CARD6: variants seen among roughly 807,000 people sequenced by gnomAD.
CARD6 encodes the protein caspase recruitment domain family member 6.
CARD6 carries 27 observed loss-of-function variants against 23.6 expected under a neutral mutation model. The observed-to-expected ratio is 1.14, with a 90% confidence interval of 0.84 to 1.58. The LOEUF (loss-of-function observed/expected upper bound fraction) is 1.58. Ranked by LOEUF, CARD6 falls within the 40% of genes most tolerant of loss-of-function variation. The pLI, the probability that CARD6 is intolerant of heterozygous loss-of-function variation, is 0.00. For missense variants in CARD6, 1,214 were observed against 1,209.9 expected (o/e 1.00, Z -0.05); for synonymous variants, 397 against 431.8 (o/e 0.92, Z 1.00).
Position 40,843,173 on chromosome 5 carries a change from C to G in CARD6, c.305C>G (p.Thr102Arg). The G allele has an allele frequency of 6.3e-7, 1 of 1,595,720 alleles. No homozygotes were observed. The highest frequency in any genetic ancestry group is 8.5e-7 in the Non-Finnish European group (1 of 1,174,986). The change falls in exon 2 of 3, where the codon ACA becomes AGA. Residue 102 changes from threonine (T) to arginine (R), a missense_variant. Thr to Arg is a moderately conservative substitution (Grantham distance 71, BLOSUM62 -1). Coordinates refer to ENST00000254691, the MANE Select transcript of CARD6 (RefSeq NM_032587.4). The part of the protein sequence containing the change: ...LRHEVLKHEN[T>R]VPPQSMGASS... The stretch of plus-strand genomic sequence containing the variant: ...GCAGAAGTTTTAAAACATGAGAATA[C>G]AGTACCTCCTCAATCTATGGGGGCA...
intron 2 of CARD6, among the ~76,000 whole-genome samples, chr5:40,845,716 A>G (rs1579801623): frequency 6.6e-6 from 1 of 151,978 alleles, no homozygotes; most frequent in African/African-American, 2.4e-5. Flanking sequence ...TGCATCTCTT[A>G]CATATTGTTT....
rs184622131 is a variant in CARD6, at chr5:40,850,842, T to A, written c.842-1332T>A. ...GCATGTAAATGTTAGCACATTTTTT[T>A]AAATAAAAAACCTAAATGATCATCC... On this transcript the variant is annotated intron_variant, in intron 2 of 2. Coordinates refer to ENST00000254691, the MANE Select transcript of CARD6 (RefSeq NM_032587.4). Among the ~76,000 whole-genome samples the A allele has an allele frequency of 3.5e-3, 526 of 152,098 alleles. 2 individuals carry two copies. Among genetic ancestry groups the A allele is most frequent in the Non-Finnish European group, 4.8e-3 (325 of 68,004 alleles).
chr5:40,853,274 G>T lies in CARD6; in HGVS notation c.1942G>T (p.Ala648Ser), dbSNP rs144490676. Residue 648 changes from alanine to serine, a missense_variant, in exon 3 of 3, where the codon GCC (alanine) becomes TCC (serine). Coordinates refer to ENST00000254691, the MANE Select transcript of CARD6 (RefSeq NM_032587.4). ...LRCVSVEDMA[A>S]LARELGIQVD... ...ATGTGTGTCTGTGGAGGATATGGCCGCCCTGGCCAGGGAGCTGGGGATTCA... is the reference window on the plus strand; with the variant it reads ...ATGTGTGTCTGTGGAGGATATGGCCTCCCTGGCCAGGGAGCTGGGGATTCA... 8 of 1,614,138 alleles carry T rather than the reference G, an allele frequency of 5.0e-6. No individual in the cohort carries two copies. The highest frequency in any genetic ancestry group is 1.3e-5 in the African/African-American group (1 of 75,024).
Position 40,853,974 on chromosome 5 carries a change from C to G in CARD6, c.2642C>G (p.Ala881Gly). The change falls in exon 3 of 3, where the codon GCA (alanine) becomes GGA (glycine). Residue 881 changes from alanine to glycine, a missense_variant. Ala to Gly is a moderately conservative substitution (Grantham distance 60). Transcript: ENST00000254691. ...ACCAGGGTAACAGAGTTAACTGAAGCAACTGGAAAACTGATAAGAACATCC... is the reference window on the plus strand; with the variant it reads ...ACCAGGGTAACAGAGTTAACTGAAGGAACTGGAAAACTGATAAGAACATCC... ...ACTRVTELTE[A>G]TGKLIRTSHI... 1 of 1,614,152 alleles carries G rather than the reference C, an allele frequency of 6.2e-7. No individual in the cohort carries two copies. The highest frequency in any genetic ancestry group is 2.2e-5 in the East Asian group (1 of 44,876).
chr5:40,843,651 T>A lies in CARD6; in HGVS notation c.783T>A (p.Ser261Arg). 6.4e-7 allele frequency: 1 copy of A among 1,571,828 alleles called. No homozygotes were observed. The highest frequency in any genetic ancestry group is 8.6e-7 in the Non-Finnish European group (1 of 1,166,824). The change falls in exon 2 of 3, where the codon AGT (serine) becomes AGA (arginine). Residue 261 changes from serine (S) to arginine (R), a missense_variant. By Grantham distance (110) the Ser-to-Arg change is moderately radical (BLOSUM62 -1). Transcript: ENST00000254691. ...CAGAGTTCTCTGGTGAAGAACCAAGTTATGAGGGATCAGAAACCAGCCTTT... is the reference window on the plus strand; with the variant it reads ...CAGAGTTCTCTGGTGAAGAACCAAGATATGAGGGATCAGAAACCAGCCTTT... ...ETTEFSGEEP[S>R]YEGSETSLSL...
chr5:40,841,478 G>A lies in CARD6; in HGVS notation c.96G>A (p.Thr32=), dbSNP rs148145334. 5.0e-6 allele frequency: 8 copies of A among 1,613,812 alleles called. No individual in the cohort carries two copies. Among genetic ancestry groups the A allele is most frequent in the Middle Eastern group, 1.6e-4 (1 of 6,084 alleles). The change falls in exon 1 of 3, where the codon ACG becomes ACA. Residue 32 remains threonine, a synonymous_variant. Coordinates refer to ENST00000254691, the MANE Select transcript of CARD6 (RefSeq NM_032587.4). ...ATGATCCTGATTCTATCTTAGACAC[G>A]TTAACTTCTCGGAGGCTGATTTCTG... ...LQHDPDSILD[T]LTSRRLISEE... is the part of the protein sequence containing the mutation.
intron 2 of CARD6, among the ~76,000 whole-genome samples, chr5:40,846,404 AG>A (rs1561213927): frequency 6.6e-6 from 1 of 152,050 alleles, no homozygotes; most frequent in African/African-American, 2.4e-5. Context: ...AGGCCTTTTG[AG>A]TCTTAGCTTT....
At chr5:40,845,306 G>A (rs1275606023) in intron 2 of CARD6, among the ~76,000 whole-genome samples, 1 of 152,030 alleles carries the variant, frequency 6.6e-6, no homozygotes, top group African/African-American at 2.4e-5. Context: ...GTCCCTGAGT[G>A]TGCACCCCTT....
chr5:40,841,945 G>T (rs1478533992), intron 1 of CARD6, among the ~76,000 whole-genome samples: 2 of 152,144 alleles, frequency 1.3e-5, no homozygotes, highest in Non-Finnish European at 2.9e-5. Flanking sequence ...GCAGTAACAT[G>T]CTAAAATCTC....
chr5:40,847,388 G>T (rs1409232620), intron 2 of CARD6, among the ~76,000 whole-genome samples: 3 of 152,164 alleles, frequency 2.0e-5, no homozygotes, highest in Non-Finnish European at 4.4e-5. Context: ...TTGTTGTTGG[G>T]TTCAACCATT....
intron 2 of CARD6, among the ~76,000 whole-genome samples, chr5:40,848,867 T>C: frequency 6.6e-6 from 1 of 152,192 alleles, no homozygotes; most frequent in Admixed American, 6.5e-5. Context: ...ATATTATTGC[T>C]TACTTTTTTC....
At chr5:40,850,413 CAAA>C (rs70988813) in intron 2 of CARD6, among the ~76,000 whole-genome samples, 2 of 36,592 alleles carry the variant, frequency 5.5e-5, no homozygotes, top group South Asian at 1.7e-3. Context: ...CACTCCATCT[CAAA>C]AAAAAAAAAA....
Position 40,847,146 on chromosome 5 carries a change from G to A in CARD6, c.841+3437G>A, listed in dbSNP as rs568106493. ...ATCCACTCTAGTTGACTGGAGGCAC[G>A]TGGCTATTCTTTGTTTCTTTCCCAA... On this transcript the variant is annotated intron_variant, in intron 2 of 2. Coordinates refer to ENST00000254691, the MANE Select transcript of CARD6 (RefSeq NM_032587.4). 4.6e-5 allele frequency among the ~76,000 whole-genome samples: 7 copies of A among 152,320 alleles called. No homozygotes were observed. In the South Asian group the frequency reaches 1.2e-3, roughly 27 times the overall value.
In CARD6 at chr5:40,841,506, G is replaced by C; in HGVS notation, c.124G>C (p.Glu42Gln). The change falls in exon 1 of 3, where the codon GAA (glutamate) becomes CAA (glutamine). Residue 42 changes from glutamate to glutamine, a missense_variant. Glu to Gln is a conservative substitution (Grantham distance 29). Transcript: ENST00000254691. Reference protein sequence around the residue: ...TLTSRRLISEEEYETLENVTD... With the variant: ...TLTSRRLISEQEYETLENVTD... The stretch of plus-strand genomic sequence containing the variant: ...AACTTCTCGGAGGCTGATTTCTGAG[G>C]AAGAGTATGAGACTCTGGAGAATGT... 6.2e-7 allele frequency: 1 copy of C among 1,614,032 alleles called. No homozygotes were observed. Among genetic ancestry groups the C allele is most frequent in the Non-Finnish European group, 8.5e-7 (1 of 1,179,978 alleles).
rs147746648 is a variant in CARD6, at chr5:40,846,264, C to T, written c.841+2555C>T. 5.8e-3 allele frequency among the ~76,000 whole-genome samples: 883 copies of T among 152,076 alleles called. 22 individuals carry two copies. In the East Asian group the frequency reaches 0.076, roughly 13 times the overall value. ...TTGACCTCAGGTGATCCACCCACCT[C>T]GGCCTCCCAAAGTGCTGGAATTATG... is the stretch of plus-strand genomic sequence containing the variant. On this transcript the variant is annotated intron_variant, in intron 2 of 2. Transcript: ENST00000254691.
intron 1 of CARD6, among the ~76,000 whole-genome samples, chr5:40,842,146 A>G (rs990281394): frequency 1.3e-5 from 2 of 152,208 alleles, no homozygotes; most frequent in African/African-American, 4.8e-5. Flanking sequence ...TTTTGGTGAT[A>G]AGAATGCCAG....
Position 40,848,968 on chromosome 5 carries a change from C to CAGA in CARD6, c.842-3206_842-3205insAGA, listed in dbSNP as rs1396841894. On this transcript the variant is annotated intron_variant, in intron 2 of 2. Transcript: ENST00000254691. ...CTGCTCCATAGTGACACTGTTATTA[C>CAGA]CTTGTCGACACACCTGGCTTGGATC... Among the ~76,000 whole-genome samples the CAGA allele has an allele frequency of 4.5e-3, 680 of 152,094 alleles. 4 individuals are homozygous for CAGA. Among genetic ancestry groups the CAGA allele is most frequent in the African/African-American group, 0.016 (651 of 41,498 alleles).
Position 40,852,894 on chromosome 5 carries a change from C to T in CARD6, c.1562C>T (p.Pro521Leu), listed in dbSNP as rs201669477. The T allele has an allele frequency of 3.8e-5, 62 of 1,613,844 alleles. 1 individual carries two copies. The Admixed American group carries it at 6.0e-4, about 16-fold the overall frequency. Residue 521 changes from proline (P) to leucine (L), a missense_variant, in exon 3 of 3, where the codon CCC becomes CTC. Physicochemically the swap from Pro to Leu is moderately conservative, Grantham distance 98 (BLOSUM62 -3). Transcript: ENST00000254691. The stretch of plus-strand genomic sequence containing the variant: ...GATAGCGATGATAGAAAGGAAAACC[C>T]CTTTTTCCAAAAGCCTGTTGCTCTG... The part of the protein sequence containing the change: ...FPDSDDRKEN[P>L]FFQKPVALAN...
Position 40,843,357 on chromosome 5 carries a change from G to A in CARD6, c.489G>A (p.Arg163=), listed in dbSNP as rs1745909307. The A allele has an allele frequency of 1.9e-6, 3 of 1,613,982 alleles. No individual in the cohort carries two copies. Among genetic ancestry groups the A allele is most frequent in the Non-Finnish European group, 2.5e-6 (3 of 1,180,024 alleles). ...TSYRETALSA[R]KNEKEYDTPE... ...ATAGGGAAACAGCTTTGTCTGCCAG[G>A]AAGAATGAGAAGGAATATGACACAC... Residue 163 remains arginine (R), a synonymous_variant, in exon 2 of 3, where the codon AGG becomes AGA. Transcript: ENST00000254691.
Sources: allele counts gnomAD v4.1 joint callset (sites outside exome capture counted in the v4.1 genomes callset), GRCh38; gene constraint gnomAD v4.1.1; transcripts MANE v1.5; gene names NCBI Gene and HGNC (gene_info 2026-07-23, HGNC 2026-07-21).